SIN3A: variants seen among roughly 807,000 people sequenced by gnomAD.
SIN3A encodes the protein paired amphipathic helix protein Sin3a.
In SIN3A, 14 loss-of-function variants were observed where a neutral mutation model predicts 146.1. That is an observed-to-expected ratio of 0.10 (90% CI 0.06 to 0.15). The LOEUF is 0.15. SIN3A is among the 10% of genes least tolerant of loss of function. The pLI is 1.00. For missense variants in SIN3A, 1,028 were observed against 1,576.0 expected, an observed-to-expected ratio of 0.65 and a Z score of 5.89; for synonymous variants, 572 against 572.0, an observed-to-expected ratio of 1.00 and a Z score of 0.00.
chr15:75,400,063 G>T lies in SIN3A; in HGVS notation c.1831C>A (p.Arg611Ser). 6.2e-7 allele frequency: 1 copy of T among 1,605,014 alleles called. No individual in the cohort carries two copies. Among genetic ancestry groups the T allele is most frequent in the South Asian group, 1.1e-5 (1 of 90,838 alleles). The change falls in exon 12 of 21, where the codon CGT becomes AGT. Residue 611 changes from arginine (R) to serine (S), a missense_variant. Coordinates refer to ENST00000394947, the MANE Select transcript of SIN3A (RefSeq NM_001145358.2). ...ACCTCAAAGCGTTCATCTTCACAAC[G>T]ATAAATATGTTCTTCATATTGAGTC... ...KKTQYEEHIY[R>S]CEDERFELDV...
At chr15:75,423,718 G>C (rs1052343144) in intron 2 of SIN3A, among the ~76,000 whole-genome samples, 2 of 152,000 alleles carry the variant, frequency 1.3e-5, no homozygotes, top group South Asian at 2.1e-4. Context: ...AGTTTAGCTG[G>C]GAACAGTGTC....
upstream of SIN3A, chr15:75,455,656 C>T (rs1373104605): frequency 4.6e-5 from 7 of 152,246 alleles, no homozygotes; most frequent in Admixed American, 2.6e-4. Context: ...AACTCCGAGC[C>T]TCCCCTCAGC....
rs1187278085 is a variant in SIN3A at position 75,375,358 on chromosome 15, T to C, written c.3591+307A>G. Reference sequence around the variant, plus strand: ...CTACAAGCCCAGGAATGCCAAAGATTGCCAGCAAAGAACCAGAAGCTAGGA... The same window carrying C: ...CTACAAGCCCAGGAATGCCAAAGATCGCCAGCAAAGAACCAGAAGCTAGGA... On this transcript the variant is annotated intron_variant, in intron 20 of 20. Transcript: ENST00000394947. Among the ~76,000 whole-genome samples the C allele has an allele frequency of 4.6e-5, 7 of 152,236 alleles. No homozygotes were observed. In the East Asian group the frequency reaches 1.4e-3, roughly 29 times the overall value.
At chr15:75,430,637 G>A (rs1259669432) in intron 1 of SIN3A, among the ~76,000 whole-genome samples, 2 of 151,966 alleles carry the variant, frequency 1.3e-5, no homozygotes, top group African/African-American at 4.8e-5. Flanking sequence ...TAATTAATTT[G>A]GTATTATGAA....
intron 1 of SIN3A, among the ~76,000 whole-genome samples, chr15:75,440,764 C>T (rs572458010): frequency 9.2e-5 from 14 of 151,858 alleles, no homozygotes; most frequent in African/African-American, 1.9e-4. Flanking sequence ...AGGCGGATTA[C>T]GAGGTCAGGA....
intron 9 of SIN3A, among the ~76,000 whole-genome samples, chr15:75,404,302 A>G (rs1049103764): frequency 6.6e-6 from 1 of 152,220 alleles, no homozygotes; most frequent in Admixed American, 6.5e-5. Context: ...AACATACACA[A>G]AAGTAGACAG....
At chr15:75,405,109 G>A (rs2073485191) in intron 9 of SIN3A, among the ~76,000 whole-genome samples, 1 of 152,074 alleles carries the variant, frequency 6.6e-6, no homozygotes, top group Admixed American at 6.5e-5. Context: ...GCTCACACCT[G>A]TAATCCCAGC....
intron 19 of SIN3A, among the ~76,000 whole-genome samples, chr15:75,376,791 C>T (rs571335256): frequency 5.5e-5 from 8 of 144,890 alleles, no homozygotes; most frequent in East Asian, 2.1e-4. Flanking sequence ...GCCCAGAAGG[C>T]GGAGGTTGCA....
intron 1 of SIN3A, chr15:75,436,413 G>C (rs1260373718): frequency 6.6e-6 from 1 of 152,128 alleles, no homozygotes; most frequent in Non-Finnish European, 1.5e-5. Context: ...AGAGGCTGAG[G>C]TGAGCTGAGA....
chr15:75,414,264 A>G lies in SIN3A; in HGVS notation c.414T>C (p.Gly138=), dbSNP rs752051493. The G allele has an allele frequency of 6.4e-7, 1 of 1,562,418 alleles. No individual in the cohort carries two copies. Among genetic ancestry groups the G allele is most frequent in the African/African-American group, 1.3e-5 (1 of 74,556 alleles). ...AATCATTGTAGACCTGAGGCTGACT[A>G]CCAAACTGCAGCTTCACCTGGTCAA... ...SYLDQVKLQF[G]SQPQVYNDFL... The change falls in exon 4 of 21, where the codon GGT becomes GGC. Residue 138 remains glycine (G), a synonymous_variant. Transcript: ENST00000394947.
intron 8 of SIN3A, among the ~76,000 whole-genome samples, chr15:75,409,107 G>A (rs954894210): frequency 1.3e-5 from 2 of 152,044 alleles, no homozygotes; most frequent in Non-Finnish European, 2.9e-5. Context: ...AGGAGGCTGC[G>A]GCAGGATAAT....
At chr15:75,392,064 C>T (rs1160034975) in intron 15 of SIN3A, among the ~76,000 whole-genome samples, 178 bp downstream of exon 15, 16 of 152,172 alleles carry the variant, frequency 1.1e-4, no homozygotes, top group Non-Finnish European at 2.2e-4. Context: ...ATACTTTGCA[C>T]AAAGCAACAC....
intron 3 of SIN3A, among the ~76,000 whole-genome samples, chr15:75,416,391 T>A (rs2073737857): frequency 6.6e-6 from 1 of 152,222 alleles, no homozygotes. Flanking sequence ...AGTGGTGCGA[T>A]CTTGGCTCAC....
chr15:75,406,931 CTA>C, intron 9 of SIN3A, 122 bp downstream of exon 9: 1 of 586,376 alleles, frequency 1.7e-6, no homozygotes, highest in Non-Finnish European at 3.0e-6. Flanking sequence ...AACTGGGAAA[CTA>C]TGTTAAAAAA....
In SIN3A at chr15:75,429,121, G is replaced by T. The variant is rs1394127439; in HGVS notation, c.189+1066C>A. Among the ~76,000 whole-genome samples the T allele has an allele frequency of 3.3e-5, 5 of 152,240 alleles. No homozygotes were observed. The East Asian group carries it at 9.6e-4, about 29-fold the overall frequency. ...CTATTTGTATTTAAGTTTTAGGGGA[G>T]TCAAAAATTATACATTGGCCAGACG... is the stretch of plus-strand genomic sequence containing the variant. On this transcript the variant is annotated intron_variant, in intron 2 of 20. Coordinates refer to ENST00000394947, the MANE Select transcript of SIN3A (RefSeq NM_001145358.2).
intron 20 of SIN3A, among the ~76,000 whole-genome samples, chr15:75,372,476 G>A (rs974763495): frequency 2.6e-5 from 4 of 152,034 alleles, no homozygotes; most frequent in African/African-American, 4.8e-5. Flanking sequence ...GAAAAAGCTC[G>A]CTGTTCTCAA....
intron 14 of SIN3A, among the ~76,000 whole-genome samples, chr15:75,393,591 T>A (rs2073249327): frequency 1.3e-5 from 2 of 152,124 alleles, no homozygotes; most frequent in South Asian, 4.1e-4. Flanking sequence ...GCCAGGCTGG[T>A]TTCGAACTTC....
chr15:75,430,441 A>G lies in SIN3A; in HGVS notation c.-33-33T>C, dbSNP rs1450973451. 6.7e-6 allele frequency: 10 copies of G among 1,499,388 alleles called. No homozygotes were observed. In the African/African-American group the frequency reaches 7.0e-5, roughly 10 times the overall value. The allele number at this position is 1,499,388 out of a possible 1,614,324, so 92.9% of individuals were successfully genotyped here. On this transcript the variant is annotated intron_variant, in intron 1 of 20. Transcript: ENST00000394947. ...AACCAAAAGCAATAGCATGCAAGTCAATTCTCACTCCAGTATGATGTACGC... is the reference window on the plus strand; with the variant it reads ...AACCAAAAGCAATAGCATGCAAGTCGATTCTCACTCCAGTATGATGTACGC...
At chr15:75,414,142 T>C (rs2141504501) in intron 4 of SIN3A, 63 bp downstream of exon 4, 1 of 788,248 alleles carries the variant, frequency 1.3e-6, no homozygotes, top group Non-Finnish European at 1.9e-6. Context: ...ATAAACTATA[T>C]CCTCTTCCTT....
Sources: allele counts gnomAD v4.1 joint callset (sites outside exome capture counted in the v4.1 genomes callset), GRCh38; gene constraint gnomAD v4.1.1; transcripts MANE v1.5; gene names NCBI Gene and HGNC (gene_info 2026-07-23, HGNC 2026-07-21).